The following POU2F2 variants were observed in gnomAD, a reference collection of about 807,000 sequenced individuals.
POU2F2 encodes POU class 2 homeobox 2.
A neutral mutation model predicts 63.5 loss-of-function variants in POU2F2; 14 were observed. The observed-to-expected ratio is 0.22, with a 90% confidence interval of 0.15 to 0.34. The LOEUF (loss-of-function observed/expected upper bound fraction) is 0.34. Ranked by LOEUF, POU2F2 falls within the 10% of genes least tolerant of loss-of-function variation. The pLI, the probability that POU2F2 is intolerant of heterozygous loss-of-function variation, is 1.00. For synonymous variants in POU2F2, 306 were observed against 348.6 expected (o/e 0.88, Z 1.36); for missense variants, 607 against 815.2 (o/e 0.74, Z 3.11).
chr19:42,108,446 G>T (rs923135997), intron 5 of POU2F2, among the ~76,000 whole-genome samples: 12 of 152,030 alleles, frequency 7.9e-5, no homozygotes, highest in Non-Finnish European at 1.6e-4. Flanking sequence ...ATGGTGGCAC[G>T]TGCCTGTAGT....
intron 1 of POU2F2, 91 bp from the exon 2 acceptor site, chr19:42,122,667 C>T: frequency 8.6e-7 from 1 of 1,162,590 alleles, no homozygotes. Context: ...CCAAGCCTTT[C>T]CCCCAAATTC....
intron 14 of POU2F2, 23 bp downstream of exon 14, chr19:42,091,844 G>T (rs1599915175): frequency 6.5e-7 from 1 of 1,539,344 alleles, no homozygotes; most frequent in African/African-American, 1.4e-5. Flanking sequence ...GTGACGATGG[G>T]TGTGACATGA....
In POU2F2 at chr19:42,169,610, T is replaced by C. The variant is rs2034717858; in HGVS notation, c.-70+6353A>G. ...GACCCAAGGGTGCACATGGCTACCA[T>C]GTGTTTCAGAATCTGTGTATGTCTC... On this transcript the variant is annotated intron_variant, in intron 1 of 6. Transcript: ENST00000524801. The surrounding 1 kb of genome is among the most constrained non-coding windows in gnomAD (Gnocchi z 4.3). Among the ~76,000 whole-genome samples, 1 of 152,192 alleles carries C rather than the reference T, an allele frequency of 6.6e-6. No homozygotes were observed. Among genetic ancestry groups the C allele is most frequent in the South Asian group, 2.1e-4 (1 of 4,830 alleles).
chr19:42,145,386 C>T (rs751060063), intron 2 of POU2F2, among the ~76,000 whole-genome samples: 20 of 152,142 alleles, frequency 1.3e-4, no homozygotes, highest in Admixed American at 6.5e-5. Context: ...CAGAACTGTG[C>T]GGACCCTGAG....
At chr19:42,133,080 T>C (rs3826705), upstream of POU2F2, 15,709 of 152,242 alleles carry the variant, frequency 0.1, 973 homozygotes, top group Middle Eastern at 0.21. The surrounding 1 kb of genome is among the most constrained non-coding windows in gnomAD (Gnocchi z 5.1). Flanking sequence ...TGGGCAGTGG[T>C]AGTGGGGACG....
chr19:42,190,148 G>C (rs1387029015), intron 1 of POU2F2, among the ~76,000 whole-genome samples: 2 of 152,100 alleles, frequency 1.3e-5, no homozygotes, highest in African/African-American at 4.8e-5. Flanking sequence ...TGGAGTAAGA[G>C]TCATGCTGGG....
Position 42,169,306 on chromosome 19 carries a change from T to C in POU2F2, c.-70+6657A>G, listed in dbSNP as rs1473250838. Among the ~76,000 whole-genome samples the C allele has an allele frequency of 1.3e-5, 2 of 152,220 alleles. No homozygotes were observed. Among genetic ancestry groups the C allele is most frequent in the Non-Finnish European group, 2.9e-5 (2 of 68,024 alleles). The stretch of plus-strand genomic sequence containing the variant: ...TGCCATGTTTTAGTATTTCTATTCG[T>C]ACATTTTCTATTGAAAAACAAATCT... On this transcript the variant is annotated intron_variant, in intron 1 of 6. Coordinates refer to the POU2F2 transcript ENST00000524801. The surrounding 1 kb of genome is among the most constrained non-coding windows in gnomAD (Gnocchi z 4.3).
At chr19:42,134,871 G>A (rs1364993393), upstream of POU2F2, among the ~76,000 whole-genome samples, 3 of 152,128 alleles carry the variant, frequency 2.0e-5, no homozygotes, top group Non-Finnish European at 4.4e-5. Flanking sequence ...ATAATCGCTT[G>A]TACGCGGCCG....
intron 2 of POU2F2, among the ~76,000 whole-genome samples, chr19:42,143,277 T>C (rs2034164982): frequency 6.6e-6 from 1 of 152,066 alleles, no homozygotes; most frequent in Admixed American, 6.6e-5. Context: ...GGCTTGAACC[T>C]GGGGGCTGAG....
chr19:42,132,466 T>C, upstream of POU2F2: 1 of 1,408,766 alleles, frequency 7.1e-7, no homozygotes, highest in Admixed American at 3.0e-5. Flanking sequence ...CCACCCTCTC[T>C]GGGGGCCGAG....
chr19:42,130,743 A>C (rs2033631796), intron 1 of POU2F2, among the ~76,000 whole-genome samples: 2 of 145,654 alleles, frequency 1.4e-5, no homozygotes, highest in Admixed American at 6.9e-5. Flanking sequence ...GCTCATACCC[A>C]CTCATTCTTC....
chr19:42,149,742 G>T (rs1599669334), intron 2 of POU2F2, among the ~76,000 whole-genome samples: 1 of 152,154 alleles, frequency 6.6e-6, no homozygotes. Flanking sequence ...CAGAGGTGGG[G>T]CCACAAGGGC....
upstream of POU2F2, among the ~76,000 whole-genome samples, chr19:42,134,879 C>A (rs2033968977): frequency 6.6e-6 from 1 of 152,136 alleles, no homozygotes; most frequent in Non-Finnish European, 1.5e-5. Context: ...TTGTACGCGG[C>A]CGGCGAGTCG....
rs144556290 is a variant in POU2F2 at position 42,165,176 on chromosome 19, G to A, written c.-69-4784C>T. On this transcript the variant is annotated intron_variant, in intron 1 of 6. Transcript: ENST00000524801. ...TCTCTGCTTCCCTCTCCCTTTCCCA[G>A]CCAGGCTTGTCTTATGTCTTCCCTT... Among the ~76,000 whole-genome samples the A allele has an allele frequency of 1.9e-3, 285 of 152,290 alleles. 3 individuals carry two copies. Among genetic ancestry groups the A allele is most frequent in the African/African-American group, 6.5e-3 (271 of 41,566 alleles).
At chr19:42,113,942 C>A (rs899519449) in intron 5 of POU2F2, among the ~76,000 whole-genome samples, 1 of 152,120 alleles carries the variant, frequency 6.6e-6, no homozygotes, top group Admixed American at 6.6e-5. Context: ...ATAGGAGGTG[C>A]TGTTGTAGAA....
At position 42,095,618 on chromosome 19, in the gene POU2F2, G is replaced by C; in HGVS notation, c.947C>G (p.Pro316Arg). 1 of 1,613,138 alleles carries C rather than the reference G, an allele frequency of 6.2e-7. No homozygotes were observed. Among genetic ancestry groups the C allele is most frequent in the Non-Finnish European group, 8.5e-7 (1 of 1,179,806 alleles). The change falls in exon 10 of 15, where the codon CCC (proline) becomes CGC (arginine). Residue 316 changes from proline (P) to arginine (R), a missense_variant. Around this residue, in one of 7 missense-constraint regions of POU2F2, gnomAD observed 36 missense variants for 63.8 expected, o/e 0.56. Transcript: ENST00000692977. The surrounding 1 kb of genome is among the most constrained non-coding windows in gnomAD (Gnocchi z 7.1). ...SSPSLGFDGL[P>R]GRRRKKRTSI... ...GGTCCTCTTCTTGCGTCTCCGGCCG[G>C]GCAGGCCGTCGAAACCCAGGCTGGG...
intron 1 of POU2F2, among the ~76,000 whole-genome samples, chr19:42,166,865 C>T (rs943777402): frequency 6.6e-6 from 1 of 152,114 alleles, no homozygotes; most frequent in Non-Finnish European, 1.5e-5. Context: ...TTGTCTGACA[C>T]AGCAGACGTC....
intron 4 of POU2F2, among the ~76,000 whole-genome samples, chr19:42,120,785 T>C (rs1228861210): frequency 6.6e-6 from 1 of 152,240 alleles, no homozygotes; most frequent in Non-Finnish European, 1.5e-5. Context: ...ATTTTCATTA[T>C]AACCTTCTCT....
Position 42,092,200 on chromosome 19 carries a change from G to T in POU2F2, c.1335C>A (p.Gly445=). The T allele has an allele frequency of 6.5e-7, 1 of 1,529,408 alleles. No homozygotes were observed. Among genetic ancestry groups the T allele is most frequent in the Non-Finnish European group, 8.8e-7 (1 of 1,136,322 alleles). 94.7% of individuals were successfully genotyped at this position (1,529,408 alleles called of 1,614,324 possible). A position where few individuals can be genotyped will look rare whatever the true frequency, so the allele number is the denominator to read the frequency against. Residue 445 remains glycine, a synonymous_variant, in exon 13 of 15, where the codon GGC becomes GGA. Transcript: ENST00000692977. The surrounding 1 kb of genome is among the most constrained non-coding windows in gnomAD (Gnocchi z 5.0). ...SRTAGGGGGG[G]GAAPPLNSIP... Reference sequence around the variant, plus strand: ...TGGAATTGAGGGGGGGCGCAGCCCCGCCCCCGCCCCCACCCCCTCCAGCTG... The same window carrying T: ...TGGAATTGAGGGGGGGCGCAGCCCCTCCCCCGCCCCCACCCCCTCCAGCTG...
Sources: gnomAD v4.1 joint callset for allele counts (sites outside exome capture counted in the v4.1 genomes callset) on GRCh38, gnomAD v4.1.1 for gene constraint, gnomAD v4.1.1 regional missense constraint, Gnocchi (gnomAD v3.1) non-coding constraint, MANE v1.5 for transcripts, NCBI Gene and HGNC (gene_info 2026-07-23, HGNC 2026-07-21) for gene names.